PLAC1: variants seen among roughly 807,000 people sequenced by gnomAD.
PLAC1 encodes placenta associated 1.
For synonymous variants in PLAC1, 68 were observed against 62.1 expected, an observed-to-expected ratio of 1.09 and a Z score of -0.44; for missense variants, 136 against 163.2, an observed-to-expected ratio of 0.83 and a Z score of 0.91.
chrX:134,641,848 A>G (rs1283711618), intron 1 of PLAC1, among the ~76,000 whole-genome samples: 1 of 112,358 alleles, frequency 8.9e-6, no homozygotes, highest in South Asian at 3.7e-4. Flanking sequence ...TTCAGTTCAC[A>G]TTCTCGAAAC....
intron 2 of PLAC1, among the ~76,000 whole-genome samples, chrX:134,682,642 G>A (rs1047739368): frequency 1.0e-4 from 11 of 109,368 alleles, no homozygotes; most frequent in African/African-American, 3.3e-4. Flanking sequence ...ACCTCCCTCC[G>A]CCTCCTGAGT....
chrX:134,665,806 G>A (rs1431393393), intron 2 of PLAC1, among the ~76,000 whole-genome samples: 1 of 111,016 alleles, frequency 9.0e-6, no homozygotes, highest in Non-Finnish European at 1.9e-5. Flanking sequence ...ATGCAGACCT[G>A]TCAAAGTCTG....
At chrX:134,609,886 G>A (rs889262868) in intron 1 of PLAC1, among the ~76,000 whole-genome samples, 20 of 112,014 alleles carry the variant, frequency 1.8e-4, no homozygotes, top group African/African-American at 5.8e-4. Flanking sequence ...ATCACATTTC[G>A]GGTTAGAGTT....
At chrX:134,641,161 G>A (rs1456498935) in intron 1 of PLAC1, among the ~76,000 whole-genome samples, 2 of 111,489 alleles carry the variant, frequency 1.8e-5, no homozygotes, top group Non-Finnish European at 3.8e-5. Flanking sequence ...GGTTGAGGTG[G>A]GAAGATCACT....
At chrX:134,677,730 C>T (rs181806876) in intron 2 of PLAC1, among the ~76,000 whole-genome samples, 1 of 111,594 alleles carries the variant, frequency 9.0e-6, no homozygotes, top group Non-Finnish European at 1.9e-5. Flanking sequence ...GGAAAACCAT[C>T]GCAGGTTTTA....
chrX:134,645,038 G>A (rs113942564), intron 1 of PLAC1, among the ~76,000 whole-genome samples: 1,407 of 111,488 alleles, frequency 0.013, 23 homozygotes, highest in African/African-American at 0.044. Context: ...GTAGCCTTTT[G>A]CCATCTTGCT....
intron 2 of PLAC1, among the ~76,000 whole-genome samples, chrX:134,727,174 C>T (rs991692658): frequency 9.0e-5 from 10 of 111,615 alleles, no homozygotes; most frequent in Non-Finnish European, 1.5e-4. Flanking sequence ...TGTGCTCCCC[C>T]TCCCTCAAAA....
rs760926991 is a variant in PLAC1 at position 134,743,835 on chromosome X, ACC to A, written n.90-10318_90-10317del. Among the ~76,000 whole-genome samples, 49 of 112,419 alleles carry A rather than the reference ACC, an allele frequency of 4.4e-4. No homozygotes were observed. The South Asian group carries it at 7.0e-3, about 16-fold the overall frequency. ...CACAAGGGATCAATTTAAAGGGCTAACCAATACAAAATAAGTTATCTTGATCT... is the reference window on the plus strand; with the variant it reads ...CACAAGGGATCAATTTAAAGGGCTAAAATACAAAATAAGTTATCTTGATCT... On this transcript the variant is annotated intron_variant and non_coding_transcript_variant, in intron 1 of 2. Transcript: ENST00000466797.
At chrX:134,594,118 G>A (rs1278005966) in intron 2 of PLAC1, among the ~76,000 whole-genome samples, 1 of 111,327 alleles carries the variant, frequency 9.0e-6, no homozygotes, top group Non-Finnish European at 1.9e-5. Flanking sequence ...ATCATGAATG[G>A]ATGCTGAATT....
chrX:134,694,666 A>C, intron 2 of PLAC1, among the ~76,000 whole-genome samples: 1 of 112,504 alleles, frequency 8.9e-6, no homozygotes, highest in Non-Finnish European at 1.9e-5. Context: ...GGCAAGTATC[A>C]ACTGGCAGCA....
chrX:134,565,951 CAT>C lies in PLAC1; in HGVS notation c.*91_*92del, dbSNP rs1332987646. 6.6e-6 allele frequency: 5 copies of C among 753,055 alleles called. No homozygotes were observed. Among genetic ancestry groups the C allele is most frequent in the African/African-American group, 2.1e-5 (1 of 48,062 alleles). The allele number at this position is 753,055 out of a possible 1,213,427, so 62.1% of individuals were successfully genotyped here. A position where few individuals can be genotyped will look rare whatever the true frequency, so the allele number is the denominator to read the frequency against. On this transcript the variant is annotated 3_prime_UTR_variant, in exon 3 of 3. Transcript: ENST00000359237. ...GGTTTCTCTTTCTCAAAAGTGCTCA[CAT>C]GAGGGTCACAAGAGCACTTATTTGT... is the stretch of plus-strand genomic sequence containing the variant.
intron 1 of PLAC1, among the ~76,000 whole-genome samples, chrX:134,609,682 T>C (rs2078142918): frequency 8.9e-6 from 1 of 111,789 alleles, no homozygotes; most frequent in Non-Finnish European, 1.9e-5. Context: ...GTTGTCCAAT[T>C]CAGTTCCTGG....
rs745678772 is a variant in PLAC1 at position 134,760,735 on chromosome X, C to T, written n.89+3499G>A. On this transcript the variant is annotated intron_variant and non_coding_transcript_variant, in intron 1 of 2. Coordinates refer to the PLAC1 transcript ENST00000466797. ...CCCCTCCCTAAGCCCATACACCCTG[C>T]AACGTGACTTTGCAGCTCCTCACAT... Among the ~76,000 whole-genome samples the T allele has an allele frequency of 3.6e-5, 4 of 111,485 alleles. No homozygotes were observed. The South Asian group carries it at 1.5e-3, about 42-fold the overall frequency.
At chrX:134,570,056 C>T (rs906860704) in intron 2 of PLAC1, among the ~76,000 whole-genome samples, 1 of 111,533 alleles carries the variant, frequency 9.0e-6, no homozygotes, top group South Asian at 3.8e-4. Flanking sequence ...TCTCGAACTC[C>T]TGACCTCAGG....
chrX:134,744,939 A>T (rs1412626021), intron 1 of PLAC1, among the ~76,000 whole-genome samples: 2 of 111,528 alleles, frequency 1.8e-5, no homozygotes, highest in African/African-American at 6.5e-5. Flanking sequence ...GTGTGTGTGT[A>T]TCAGTCTCCC....
chrX:134,589,488 AG>A (rs2078023750), intron 2 of PLAC1, among the ~76,000 whole-genome samples: 1 of 111,127 alleles, frequency 9.0e-6, no homozygotes, highest in South Asian at 3.8e-4. Flanking sequence ...CTGTAATCCC[AG>A]CACTTTGGGA....
intron 1 of PLAC1, among the ~76,000 whole-genome samples, chrX:134,617,510 C>T (rs1048125995): frequency 2.7e-5 from 3 of 111,715 alleles, no homozygotes; most frequent in African/African-American, 9.8e-5. Flanking sequence ...TCCTTCTATA[C>T]TTAATTTGTT....
At chrX:134,645,067 T>A (rs940714994) in intron 1 of PLAC1, among the ~76,000 whole-genome samples, 1 of 111,869 alleles carries the variant, frequency 8.9e-6, no homozygotes, top group African/African-American at 3.3e-5. Context: ...TCTAACACAG[T>A]TTATTGTCTC....
intron 2 of PLAC1, among the ~76,000 whole-genome samples, chrX:134,726,098 C>T (rs1266256389): frequency 1.8e-5 from 2 of 111,659 alleles, no homozygotes; most frequent in Non-Finnish European, 3.8e-5. Flanking sequence ...TATGTCCATC[C>T]TCCAAAGCTA....
Sources: gnomAD v4.1 joint callset for allele counts (sites outside exome capture counted in the v4.1 genomes callset) on GRCh38, gnomAD v4.1.1 for gene constraint, MANE v1.5 for transcripts, NCBI Gene and HGNC (gene_info 2026-07-23, HGNC 2026-07-21) for gene names.